Variants in LRP1B observed in about 807,000 individuals in gnomAD.
The protein encoded by LRP1B is LDL receptor related protein 1B.
LRP1B carries 217 observed loss-of-function variants against 556.6 expected under a neutral mutation model. That is an observed-to-expected ratio of 0.39 (90% CI 0.35 to 0.44). LRP1B has a LOEUF of 0.44. Among genes scored for constraint, LRP1B ranks in the 20% least tolerant of loss-of-function variants. LRP1B has a pLI of 1.00. For synonymous variants in LRP1B, 2,047 were observed against 1,865.8 expected, an observed-to-expected ratio of 1.10 and a Z score of -2.50; for missense variants, 5,053 against 5,620.8, an observed-to-expected ratio of 0.90 and a Z score of 3.23.
At chr2:141,413,537 C>T (rs879704786) in intron 3 of LRP1B, among the ~76,000 whole-genome samples, 128 of 152,140 alleles carry the variant, frequency 8.4e-4, no homozygotes, top group African/African-American at 2.8e-3. Flanking sequence ...GTTTGATTTG[C>T]GAATTACAGA....
chr2:141,138,887 A>G (rs1038651559), intron 7 of LRP1B, among the ~76,000 whole-genome samples: 18 of 152,074 alleles, frequency 1.2e-4, no homozygotes, highest in African/African-American at 4.3e-4. Context: ...TAGAAATTTG[A>G]AAGACCTAGA....
At chr2:140,932,636 G>C (rs1004633442) in intron 20 of LRP1B, among the ~76,000 whole-genome samples, 8 of 151,868 alleles carry the variant, frequency 5.3e-5, no homozygotes, top group African/African-American at 1.7e-4. Context: ...GCTTTGGGAG[G>C]CTGAAGTAGG....
intron 83 of LRP1B, among the ~76,000 whole-genome samples, chr2:140,305,440 T>C (rs893772329): frequency 4.6e-5 from 7 of 152,218 alleles, no homozygotes; most frequent in African/African-American, 1.4e-4. Context: ...AGTTCACTCA[T>C]GATTTGGCTC....
chr2:141,339,305 A>AAAAAGAAAG (rs565502343), intron 3 of LRP1B, among the ~76,000 whole-genome samples: 1 of 149,860 alleles, frequency 6.7e-6, no homozygotes, highest in African/African-American at 2.5e-5. Context: ...TAACGCAAAA[A>AAAAAGAAAG]AAAAAAAAAG....
chr2:141,903,721 C>T (rs1472838775), intron 1 of LRP1B, among the ~76,000 whole-genome samples: 1 of 151,828 alleles, frequency 6.6e-6, no homozygotes, highest in Non-Finnish European at 1.5e-5. Flanking sequence ...AGTTTTCTTG[C>T]CTACAAAGAG....
At chr2:141,301,733 C>T (rs577683338) in intron 3 of LRP1B, among the ~76,000 whole-genome samples, 10 of 152,274 alleles carry the variant, frequency 6.6e-5, no homozygotes, top group South Asian at 4.1e-4. Flanking sequence ...CACATACATA[C>T]GTTGACATGG....
intron 45 of LRP1B, 38 bp from the exon 46 acceptor site, chr2:140,536,747 A>T (rs911162297): frequency 6.5e-7 from 1 of 1,534,830 alleles, no homozygotes; most frequent in African/African-American, 1.4e-5. Context: ...CTTTTGTGCA[A>T]TGGCAAATAT....
At chr2:141,232,934 T>C (rs948255006) in intron 5 of LRP1B, among the ~76,000 whole-genome samples, 3 of 152,216 alleles carry the variant, frequency 2.0e-5, no homozygotes, top group African/African-American at 7.2e-5. Context: ...TCAGTGTATT[T>C]CAAGTTGAAA....
At position 140,492,648 on chromosome 2, in the gene LRP1B, T is replaced by C. The variant is rs374069896; in HGVS notation, c.9080A>G (p.Lys3027Arg). 1 of 1,613,798 alleles carries C rather than the reference T, an allele frequency of 6.2e-7. No individual in the cohort carries two copies. Among genetic ancestry groups the C allele is most frequent in the Non-Finnish European group, 8.5e-7 (1 of 1,179,762 alleles). Residue 3027 changes from lysine to arginine, a missense_variant, in exon 57 of 91, where the codon AAA becomes AGA. Lys to Arg is a conservative substitution (Grantham distance 26, BLOSUM62 2). Coordinates refer to ENST00000389484, the MANE Select transcript of LRP1B (RefSeq NM_018557.3). ...GTAGTTGGAGCCATCAGTGCTAATT[T>C]TCCTTATCTCATGATGATCAGCAAG... The part of the protein sequence containing the change: ...LILADHHEIR[K>R]ISTDGSNYTL...
At chr2:141,456,417 A>G (rs1007355077) in intron 3 of LRP1B, among the ~76,000 whole-genome samples, 5 of 152,160 alleles carry the variant, frequency 3.3e-5, no homozygotes, top group Non-Finnish European at 7.3e-5. Context: ...ATACTATTTC[A>G]AATATAACCT....
At chr2:141,849,998 T>C (rs995578589) in intron 1 of LRP1B, among the ~76,000 whole-genome samples, 5 of 151,684 alleles carry the variant, frequency 3.3e-5, no homozygotes, top group African/African-American at 7.3e-5. Context: ...ATCTCCAAAG[T>C]TGAATCAGGC....
At chr2:141,702,681 T>A (rs1691984486) in intron 2 of LRP1B, among the ~76,000 whole-genome samples, 1 of 151,824 alleles carries the variant, frequency 6.6e-6, no homozygotes, top group Admixed American at 6.6e-5. Context: ...AAGCATATTT[T>A]TCCAGGAAAT....
chr2:142,054,059 C>T (rs529406022), intron 1 of LRP1B, among the ~76,000 whole-genome samples: 35 of 152,180 alleles, frequency 2.3e-4, no homozygotes, highest in African/African-American at 7.9e-4. Flanking sequence ...GCACTAGGTA[C>T]TCTCAATTCT....
At chr2:140,681,867 CT>C (rs1685871421) in intron 41 of LRP1B, among the ~76,000 whole-genome samples, 2 of 152,066 alleles carry the variant, frequency 1.3e-5, no homozygotes, top group South Asian at 4.1e-4. Context: ...AAAAGGAGTA[CT>C]TCCTGTGCAC....
chr2:140,809,796 AAT>A (rs1446488159), intron 32 of LRP1B, among the ~76,000 whole-genome samples: 1 of 152,126 alleles, frequency 6.6e-6, no homozygotes. Flanking sequence ...CTTGTGCTAA[AAT>A]CTTGACTGCC....
At chr2:140,549,978 G>A (rs985166990) in intron 43 of LRP1B, among the ~76,000 whole-genome samples, 3 of 151,922 alleles carry the variant, frequency 2.0e-5, no homozygotes, top group African/African-American at 7.3e-5. Flanking sequence ...ACCTAGATTA[G>A]GTATTTCTCC....
intron 87 of LRP1B, among the ~76,000 whole-genome samples, chr2:140,245,545 C>T (rs1194579190): frequency 6.6e-6 from 1 of 151,258 alleles, no homozygotes; most frequent in Non-Finnish European, 1.5e-5. Context: ...TTTTTAATTC[C>T]TAATTTATAA....
At chr2:141,242,096 T>C (rs2105317927) in intron 5 of LRP1B, among the ~76,000 whole-genome samples, 1 of 152,158 alleles carries the variant, frequency 6.6e-6, no homozygotes, top group Middle Eastern at 3.4e-3. Context: ...TAAGAATAGA[T>C]CTTAATATGA....
chr2:140,547,016 AG>A (rs1188749018), intron 43 of LRP1B, among the ~76,000 whole-genome samples: 2 of 151,992 alleles, frequency 1.3e-5, no homozygotes, highest in Non-Finnish European at 2.9e-5. Flanking sequence ...ACTTGATTGT[AG>A]GATAAGCTTT....
Sources: allele counts gnomAD v4.1 joint callset (sites outside exome capture counted in the v4.1 genomes callset), GRCh38; gene constraint gnomAD v4.1.1; transcripts MANE v1.5; gene names NCBI Gene and HGNC (gene_info 2026-07-23, HGNC 2026-07-21).